Variants in ANKRD17 observed in about 807,000 individuals in gnomAD.
The protein encoded by ANKRD17 is ankyrin repeat domain-containing protein 17.
ANKRD17 carries 19 observed loss-of-function variants against 229.7 expected under a neutral mutation model. The observed-to-expected ratio is 0.08, with a 90% confidence interval of 0.06 to 0.12. ANKRD17 has a LOEUF of 0.12. Among genes scored for constraint, ANKRD17 ranks in the 10% least tolerant of loss-of-function variants. The probability of loss-of-function intolerance (pLI) is 1.00; values close to 1 mark genes in which losing one functional copy is unlikely to be tolerated. For synonymous variants in ANKRD17, 1,112 were observed against 1,146.1 expected, an observed-to-expected ratio of 0.97 and a Z score of 0.60; for missense variants, 2,176 against 3,176.8, an observed-to-expected ratio of 0.68 and a Z score of 7.57.
intron 1 of ANKRD17, among the ~76,000 whole-genome samples, chr4:73,203,774 A>AAAAAAAAAG (rs1739028223): frequency 5.3e-5 from 8 of 150,876 alleles, no homozygotes; most frequent in African/African-American, 1.9e-4. Context: ...AAAAAAAAAA[A>AAAAAAAAAG]AAAAAGAAAA....
At chr4:73,238,082 T>G (rs1404966350) in intron 1 of ANKRD17, among the ~76,000 whole-genome samples, 2 of 150,464 alleles carry the variant, frequency 1.3e-5, no homozygotes, top group Non-Finnish European at 3.0e-5. Context: ...TAAGGGATTC[T>G]CCTAAATTAA....
Position 73,169,781 on chromosome 4 carries a change from CTG to C in ANKRD17, c.547+7597_547+7598del, listed in dbSNP as rs1470495587. On this transcript the variant is annotated intron_variant, in intron 2 of 33. Transcript: ENST00000358602. Reference sequence around the variant, plus strand: ...AACTGTAAGACGGAGAGCATAGCAACTGTGAGCCTTTGCATTGAACTCAGTGC... The same window carrying C: ...AACTGTAAGACGGAGAGCATAGCAACTGAGCCTTTGCATTGAACTCAGTGC... 2.6e-5 allele frequency among the ~76,000 whole-genome samples: 4 copies of C among 152,212 alleles called. No homozygotes were observed. The East Asian group carries it at 5.8e-4, about 22-fold the overall frequency.
chr4:73,258,268 G>A lies in ANKRD17; in HGVS notation c.393+8C>T, dbSNP rs371217653. 27 of 1,613,600 alleles carry A rather than the reference G, an allele frequency of 1.7e-5. No individual in the cohort carries two copies. Among genetic ancestry groups the A allele is most frequent in the Non-Finnish European group, 2.1e-5 (25 of 1,179,970 alleles). ...TCCTCCCTCCTTCCTTTGAAACCAG[G>A]CCCTTGCCTCAGAAACCTCCTCTTC... On this transcript the variant is annotated splice_region_variant and intron_variant, in intron 1 of 33. Coordinates refer to ENST00000358602, the MANE Select transcript of ANKRD17 (RefSeq NM_032217.5).
intron 1 of ANKRD17, among the ~76,000 whole-genome samples, chr4:73,221,650 A>T (rs1741869332): frequency 6.6e-6 from 1 of 152,238 alleles, no homozygotes; most frequent in Non-Finnish European, 1.5e-5. Flanking sequence ...GAAAGTTTAT[A>T]CTACTATTTC....
rs558086240 is a variant in ANKRD17 at position 73,106,736 on chromosome 4, G to A, written c.4402-4189C>T. Among the ~76,000 whole-genome samples the A allele has an allele frequency of 2.6e-5, 4 of 152,068 alleles. No homozygotes were observed. In the East Asian group the frequency reaches 7.8e-4, roughly 30 times the overall value. ...TCTACTAAAAATACAAAAATTAGCT[G>A]GGTGTGGTGGTGCGCACCTGTAGTC... On this transcript the variant is annotated intron_variant, in intron 24 of 33. Transcript: ENST00000358602.
At chr4:73,146,929 T>C (rs979678195) in intron 9 of ANKRD17, 56 bp from the exon 10 acceptor site, 5 of 1,426,788 alleles carry the variant, frequency 3.5e-6, no homozygotes, top group African/African-American at 1.4e-5. Context: ...AAGACATATA[T>C]GACGAAAATA....
At chr4:73,083,941 A>C (rs2110112609) in intron 30 of ANKRD17, among the ~76,000 whole-genome samples, 1 of 151,708 alleles carries the variant, frequency 6.6e-6, no homozygotes, top group African/African-American at 2.4e-5. Flanking sequence ...AAAAAAAAAA[A>C]CAAAACAAAA....
chr4:73,088,840 T>G (rs897768867), intron 29 of ANKRD17, among the ~76,000 whole-genome samples: 1 of 152,092 alleles, frequency 6.6e-6, no homozygotes, highest in African/African-American at 2.4e-5. Flanking sequence ...GATAACGAGT[T>G]GGCAACCAAG....
rs2148844226 is a variant in ANKRD17, at chr4:73,146,811, C to A, written c.1822G>T (p.Gly608Cys). The change falls in exon 10 of 34, where the codon GGT (glycine) becomes TGT (cysteine). Residue 608 changes from glycine (G) to cysteine (C), a missense_variant. By Grantham distance (159) the Gly-to-Cys change is radical (BLOSUM62 -3). Around this residue, in one of 18 missense-constraint regions of ANKRD17, gnomAD observed 275 missense variants for 386.9 expected, o/e 0.71. Transcript: ENST00000358602. Reference protein sequence around the residue: ...DTALTYACENGHTDVADVLLQ... With the variant: ...DTALTYACENCHTDVADVLLQ... ...AAGACATCTGCTACATCAGTATGAC[C>A]ATTTTCACAGGCATATGTTAGTGCT... is the stretch of plus-strand genomic sequence containing the variant. 6.2e-7 allele frequency: 1 copy of A among 1,612,702 alleles called. No homozygotes were observed. Among genetic ancestry groups the A allele is most frequent in the Non-Finnish European group, 8.5e-7 (1 of 1,179,178 alleles).
intron 1 of ANKRD17, among the ~76,000 whole-genome samples, chr4:73,242,825 C>A (rs1744165132): frequency 6.6e-6 from 1 of 152,114 alleles, no homozygotes; most frequent in Non-Finnish European, 1.5e-5. Context: ...AACTTCTTTC[C>A]ACGTAGTAAG....
At chr4:73,087,944 A>T (rs751756742) in intron 29 of ANKRD17, among the ~76,000 whole-genome samples, 1 of 151,868 alleles carries the variant, frequency 6.6e-6, no homozygotes, top group Non-Finnish European at 1.5e-5. Flanking sequence ...AAAAGGAAGC[A>T]GCAAAAGAGA....
chr4:73,210,457 G>A (rs868279992), intron 1 of ANKRD17, among the ~76,000 whole-genome samples: 3 of 152,100 alleles, frequency 2.0e-5, no homozygotes, highest in Admixed American at 1.3e-4. Flanking sequence ...GAGTGTGTGT[G>A]TATATGTGTC....
At chr4:73,246,491 T>C (rs1744512566) in intron 1 of ANKRD17, among the ~76,000 whole-genome samples, 1 of 152,050 alleles carries the variant, frequency 6.6e-6, no homozygotes, top group African/African-American at 2.4e-5. Flanking sequence ...AAGAAACAAT[T>C]AGGTGTTGGA....
chr4:73,250,392 G>C (rs997686684), intron 1 of ANKRD17, among the ~76,000 whole-genome samples: 2 of 151,374 alleles, frequency 1.3e-5, no homozygotes, highest in African/African-American at 4.9e-5. Flanking sequence ...CTTGGAGCCG[G>C]GAGTTTGCGA....
chr4:73,182,175 A>G (rs1735671703), intron 1 of ANKRD17, among the ~76,000 whole-genome samples: 1 of 151,598 alleles, frequency 6.6e-6, no homozygotes, highest in African/African-American at 2.4e-5. Context: ...AAGGAAAGAA[A>G]TGTCCTTACT....
At chr4:73,077,901 A>G (rs183276342) in intron 31 of ANKRD17, among the ~76,000 whole-genome samples, 2 of 152,258 alleles carry the variant, frequency 1.3e-5, no homozygotes, top group African/African-American at 4.8e-5. Context: ...CAGAGCTCAT[A>G]AAGAAGTGAT....
At chr4:73,113,391 T>C (rs1316253179) in intron 24 of ANKRD17, 3 of 1,289,940 alleles carry the variant, frequency 2.3e-6, no homozygotes, top group South Asian at 1.2e-5. Context: ...ATTTCACTAG[T>C]TGGTTATGCC....
chr4:73,248,316 A>T, intron 1 of ANKRD17, among the ~76,000 whole-genome samples: 1 of 151,984 alleles, frequency 6.6e-6, no homozygotes. Flanking sequence ...TAGTATTCAA[A>T]AACCAAAACA....
Position 73,078,664 on chromosome 4 carries a change from A to C in ANKRD17, c.7386T>G (p.Phe2462Leu), listed in dbSNP as rs971366571. The C allele has an allele frequency of 1.2e-6, 2 of 1,614,102 alleles. No homozygotes were observed. The highest frequency in any genetic ancestry group is 2.7e-5 in the African/African-American group (2 of 74,950). Residue 2462 changes from phenylalanine (F) to leucine (L), a missense_variant, in exon 31 of 34, where the codon TTT (phenylalanine) becomes TTG (leucine). Physicochemically the swap from Phe to Leu is conservative, Grantham distance 22. Transcript: ENST00000358602. Reference sequence around the variant, plus strand: ...TACCTTGATTGCCACCAATCCCTTCAAAGGACCAGATGCCACTATGTCCTA... The same window carrying C: ...TACCTTGATTGCCACCAATCCCTTCCAAGGACCAGATGCCACTATGTCCTA... ...TSVGHSGIWS[F>L]EGIGGNQDKV...
Sources: allele counts gnomAD v4.1 joint callset (sites outside exome capture counted in the v4.1 genomes callset), GRCh38; gene constraint gnomAD v4.1.1; regional missense constraint gnomAD v4.1.1; transcripts MANE v1.5; gene names NCBI Gene and HGNC (gene_info 2026-07-23, HGNC 2026-07-21).